RHBDD1: variants seen among roughly 807,000 people sequenced by gnomAD.
RHBDD1 encodes the protein rhomboid-related protein 4.
Under a neutral mutation model 36.3 loss-of-function variants are expected in RHBDD1, and 38 were observed. The observed-to-expected ratio is 1.05, with a 90% CI of 0.81 to 1.37. The LOEUF is 1.37. Among genes scored for constraint, RHBDD1 ranks in the 40% most tolerant of loss-of-function variants. The pLI is 0.00. For missense variants in RHBDD1, 393 were observed against 377.6 expected, an observed-to-expected ratio of 1.04 and a Z score of -0.34; for synonymous variants, 151 against 136.5, an observed-to-expected ratio of 1.11 and a Z score of -0.74.
At chr2:226,958,175 T>C (rs1373171046) in intron 8 of RHBDD1, among the ~76,000 whole-genome samples, 1 of 152,208 alleles carries the variant, frequency 6.6e-6, no homozygotes, top group Non-Finnish European at 1.5e-5. Context: ...GGTATATGCA[T>C]ACGATGGAAT....
In RHBDD1 at chr2:226,908,949, C is replaced by T; in HGVS notation, c.712+71C>T. On this transcript the variant is annotated intron_variant, in intron 7 of 8. Coordinates refer to ENST00000392062, the MANE Select transcript of RHBDD1 (RefSeq NM_001167608.3). ...TTATAGTGTTCAGCTCTACAGAGTA[C>T]TTTAGGATACTACTAGTTTCTGCTG... The T allele has an allele frequency of 4.2e-6, 4 of 952,296 alleles. No individual in the cohort carries two copies. The South Asian group carries it at 5.7e-5, about 13-fold the overall frequency. 59.0% of individuals were successfully genotyped at this position (952,296 alleles called of 1,614,324 possible). A position where few individuals can be genotyped will look rare whatever the true frequency, so the allele number is the denominator to read the frequency against.
intron 3 of RHBDD1, among the ~76,000 whole-genome samples, chr2:226,855,113 G>A (rs1943195408): frequency 6.6e-6 from 1 of 152,210 alleles, no homozygotes; most frequent in African/African-American, 2.4e-5. Flanking sequence ...AGGACATCTG[G>A]ACATTATCCC....
intron 8 of RHBDD1, among the ~76,000 whole-genome samples, chr2:226,916,383 G>A (rs1948913088): frequency 6.6e-6 from 1 of 152,146 alleles, no homozygotes; most frequent in East Asian, 1.9e-4. Flanking sequence ...TGGGGAAAGG[G>A]CCCCAGAGCC....
chr2:226,948,201 A>T (rs1351712653), intron 8 of RHBDD1, among the ~76,000 whole-genome samples: 4 of 147,474 alleles, frequency 2.7e-5, no homozygotes, highest in Non-Finnish European at 4.5e-5. Flanking sequence ...GATTAAGAAA[A>T]TGTGGCACAT....
chr2:226,984,271 C>T (rs1284281574), intron 8 of RHBDD1, among the ~76,000 whole-genome samples: 4 of 152,236 alleles, frequency 2.6e-5, no homozygotes, highest in Non-Finnish European at 4.4e-5. Context: ...GACCCGGTGG[C>T]TTAAACAACA....
intron 5 of RHBDD1, among the ~76,000 whole-genome samples, chr2:226,868,253 G>A (rs1269910441): frequency 1.3e-5 from 2 of 152,172 alleles, no homozygotes. Context: ...TGCTGATTTA[G>A]ATGAATTTTT....
At chr2:226,819,887 C>T in the RHBDD1 span, among the ~76,000 whole-genome samples, 1 of 151,408 alleles carries the variant, frequency 6.6e-6, no homozygotes, top group Admixed American at 6.6e-5. Context: ...ATTATGTGCA[C>T]TAAAAACAAG....
intron 5 of RHBDD1, among the ~76,000 whole-genome samples, chr2:226,875,942 T>TTGCAGG (rs1559221266): frequency 2.0e-5 from 3 of 152,220 alleles, no homozygotes; most frequent in African/African-American, 7.2e-5. Context: ...TCTGAAAACA[T>TTGCAGG]TGCAGGATGG....
At chr2:226,874,516 C>T (rs550554698) in intron 5 of RHBDD1, among the ~76,000 whole-genome samples, 10 of 152,166 alleles carry the variant, frequency 6.6e-5, no homozygotes, top group Non-Finnish European at 1.5e-4. Flanking sequence ...TTACTCCTTC[C>T]AGCTCCTGGT....
At position 226,934,312 on chromosome 2, in the gene RHBDD1, T is replaced by A. The variant is rs1372582712; in HGVS notation, c.856+19961T>A. ...CATATAGCCTATATGTGTAGTAGGC[T>A]ATGCCATGTAGGTTTGTGTAACTAC... On this transcript the variant is annotated intron_variant, in intron 8 of 8. Transcript: ENST00000392062. Among the ~76,000 whole-genome samples the A allele has an allele frequency of 3.9e-5, 6 of 152,170 alleles. No homozygotes were observed. In the East Asian group the frequency reaches 1.2e-3, roughly 29 times the overall value.
chr2:226,831,030 C>T (rs1207824295), upstream of RHBDD1, among the ~76,000 whole-genome samples: 1 of 152,154 alleles, frequency 6.6e-6, no homozygotes, highest in Admixed American at 6.5e-5. Context: ...TACATATTGC[C>T]ATATTTGGTT....
chr2:226,992,289 A>G (rs528478013), intron 8 of RHBDD1, among the ~76,000 whole-genome samples: 1 of 152,324 alleles, frequency 6.6e-6, no homozygotes, highest in East Asian at 1.9e-4. Context: ...AGGGGCTGAC[A>G]TCAACTTTGT....
chr2:226,815,178 C>G, the RHBDD1 span, among the ~76,000 whole-genome samples: 5 of 152,156 alleles, frequency 3.3e-5, no homozygotes, highest in Non-Finnish European at 5.9e-5. Context: ...ATTTATTTTC[C>G]TTTCTTTACC....
the RHBDD1 span, among the ~76,000 whole-genome samples, chr2:226,802,033 C>CA: frequency 5.6e-3 from 857 of 151,712 alleles, 5 homozygotes; most frequent in Non-Finnish European, 8.3e-3. Context: ...CCCCACCCCC[C>CA]AAAAAAAGCT....
intron 8 of RHBDD1, among the ~76,000 whole-genome samples, chr2:226,966,071 C>A (rs929735811): frequency 6.6e-6 from 1 of 152,108 alleles, no homozygotes; most frequent in Non-Finnish European, 1.5e-5. Context: ...GTTGGTTCAA[C>A]ATACGCAAAT....
At chr2:226,871,009 A>T (rs1294391194) in intron 5 of RHBDD1, among the ~76,000 whole-genome samples, 1 of 152,208 alleles carries the variant, frequency 6.6e-6, no homozygotes, top group Non-Finnish European at 1.5e-5. Flanking sequence ...AAAATATGAC[A>T]GCTGAAAGCA....
the RHBDD1 span, among the ~76,000 whole-genome samples, chr2:226,812,767 T>C: frequency 6.6e-6 from 1 of 152,210 alleles, no homozygotes; most frequent in Non-Finnish European, 1.5e-5. Flanking sequence ...AATTCTCCCA[T>C]ATTGCTTGTT....
chr2:226,845,749 A>C (rs1213081343), intron 3 of RHBDD1, among the ~76,000 whole-genome samples: 1 of 152,242 alleles, frequency 6.6e-6, no homozygotes, highest in African/African-American at 2.4e-5. Context: ...TGTTAAATTC[A>C]GCAAGATTGC....
chr2:226,899,228 C>T (rs1947382849), intron 5 of RHBDD1, among the ~76,000 whole-genome samples: 1 of 152,192 alleles, frequency 6.6e-6, no homozygotes, highest in African/African-American at 2.4e-5. Context: ...GGAAAGAACA[C>T]TGTCTGTTGG....
Sources: gnomAD v4.1 joint callset for allele counts (sites outside exome capture counted in the v4.1 genomes callset) on GRCh38, gnomAD v4.1.1 for gene constraint, MANE v1.5 for transcripts, NCBI Gene and HGNC (gene_info 2026-07-23, HGNC 2026-07-21) for gene names.